The following HCN1 variants were observed in gnomAD, a reference collection of about 807,000 sequenced individuals.
HCN1 encodes hyperpolarization activated cyclic nucleotide gated potassium channel 1.
Under a neutral mutation model 78.9 loss-of-function variants are expected in HCN1, and 13 were observed. That is an observed-to-expected ratio of 0.16 (90% CI 0.11 to 0.26). The LOEUF (loss-of-function observed/expected upper bound fraction) is 0.26, where lower values mean the gene tolerates loss of function less well. HCN1 is among the 10% of genes least tolerant of loss of function. The pLI is 1.00. For missense variants in HCN1, 810 were observed against 1,154.3 expected (o/e 0.70, Z 4.32); for synonymous variants, 552 against 455.5 (o/e 1.21, Z -2.70).
chr5:45,424,119 CA>C (rs35117761), intron 3 of HCN1, among the ~76,000 whole-genome samples: 9,172 of 68,004 alleles, frequency 0.13, 633 homozygotes, highest in East Asian at 0.22. Flanking sequence ...ACTAAAAATC[CA>C]AAAAAAAAAA....
chr5:45,347,949 T>C (rs1187487941), intron 5 of HCN1, among the ~76,000 whole-genome samples: 4 of 152,142 alleles, frequency 2.6e-5, no homozygotes, highest in Admixed American at 6.5e-5. Context: ...CTGCAGGATA[T>C]TATACAGGAG....
At chr5:45,397,238 G>C (rs1173585055) in intron 3 of HCN1, among the ~76,000 whole-genome samples, 1 of 152,042 alleles carries the variant, frequency 6.6e-6, no homozygotes, top group Non-Finnish European at 1.5e-5. Context: ...TGGAAATACA[G>C]GTCTGATAAA....
chr5:45,559,264 T>C (rs1177568231), intron 2 of HCN1: 4 of 152,132 alleles, frequency 2.6e-5, no homozygotes, highest in Admixed American at 2.6e-4. Flanking sequence ...CTGCAGCCCA[T>C]GCTTCAAAGA....
At chr5:45,347,747 C>T (rs1463578581) in intron 5 of HCN1, among the ~76,000 whole-genome samples, 2 of 151,910 alleles carry the variant, frequency 1.3e-5, no homozygotes, top group Non-Finnish European at 2.9e-5. Context: ...ATGCGATCAA[C>T]TGGAAGAAAG....
Position 45,330,384 on chromosome 5 carries a change from C to T in HCN1, c.1377+22716G>A, listed in dbSNP as rs540614813. Among the ~76,000 whole-genome samples, 4 of 150,986 alleles carry T rather than the reference C, an allele frequency of 2.6e-5. No homozygotes were observed. In the South Asian group the frequency reaches 8.3e-4, roughly 31 times the overall value. On this transcript the variant is annotated intron_variant, in intron 5 of 7. Transcript: ENST00000303230. ...AACATTAAACCTTATTTTTGTATGA[C>T]AAATAAAACTTAACTAAATAAACGC...
intron 1 of HCN1, among the ~76,000 whole-genome samples, chr5:45,674,951 G>C (rs1217032268): frequency 6.6e-6 from 1 of 151,612 alleles, no homozygotes; most frequent in East Asian, 1.9e-4. Flanking sequence ...AAAATAATAA[G>C]ATATGCATGC....
intron 5 of HCN1, among the ~76,000 whole-genome samples, chr5:45,349,983 C>A (rs903336767): frequency 4.6e-5 from 7 of 152,026 alleles, no homozygotes; most frequent in African/African-American, 1.7e-4. Flanking sequence ...GAAACTATTC[C>A]AATCAATAGA....
chr5:45,341,351 C>T (rs1192191978), intron 5 of HCN1, among the ~76,000 whole-genome samples: 3 of 152,172 alleles, frequency 2.0e-5, no homozygotes, highest in Non-Finnish European at 2.9e-5. Flanking sequence ...TTTCACAATT[C>T]TGACTCAAAA....
chr5:45,677,203 T>A (rs1235220271), intron 1 of HCN1, among the ~76,000 whole-genome samples: 1 of 151,802 alleles, frequency 6.6e-6, no homozygotes, highest in Non-Finnish European at 1.5e-5. Flanking sequence ...TTATCAGTGA[T>A]AACCTCTCAT....
intron 3 of HCN1, among the ~76,000 whole-genome samples, chr5:45,404,325 C>G (rs763792959): frequency 5.9e-5 from 9 of 152,050 alleles, no homozygotes; most frequent in Non-Finnish European, 1.0e-4. Context: ...TTCATATAAT[C>G]TGAATCCCAC....
At chr5:45,342,170 T>C (rs979105723) in intron 5 of HCN1, among the ~76,000 whole-genome samples, 3 of 152,032 alleles carry the variant, frequency 2.0e-5, no homozygotes, top group Non-Finnish European at 2.9e-5. Context: ...ATGAAGTGAA[T>C]ATTTTTACAT....
intron 2 of HCN1, among the ~76,000 whole-genome samples, chr5:45,490,369 C>T (rs1741858138): frequency 1.3e-5 from 2 of 152,074 alleles, no homozygotes; most frequent in Admixed American, 1.3e-4. Context: ...TTCATTGATG[C>T]CTGACAAATT....
intron 1 of HCN1, among the ~76,000 whole-genome samples, chr5:45,668,253 T>C (rs1018446646): frequency 1.3e-5 from 2 of 151,890 alleles, no homozygotes; most frequent in African/African-American, 4.8e-5. Context: ...TCATCTCAAA[T>C]TGTAATCCCC....
At chr5:45,658,495 G>T (rs1028485736) in intron 1 of HCN1, among the ~76,000 whole-genome samples, 5 of 152,182 alleles carry the variant, frequency 3.3e-5, no homozygotes, top group African/African-American at 9.6e-5. Flanking sequence ...AGCTCCCAGC[G>T]TGAGCGATGA....
intron 4 of HCN1, among the ~76,000 whole-genome samples, chr5:45,392,219 T>C (rs2112036025): frequency 6.6e-6 from 1 of 152,276 alleles, no homozygotes; most frequent in South Asian, 2.1e-4. Context: ...TGTCTGGGTG[T>C]ACCATTAGCT....
At chr5:45,684,571 A>T (rs1003420096) in intron 1 of HCN1, among the ~76,000 whole-genome samples, 1 of 152,254 alleles carries the variant, frequency 6.6e-6, no homozygotes, top group African/African-American at 2.4e-5. Flanking sequence ...TTAAAAACTA[A>T]TCAAATAGGC....
intron 2 of HCN1, among the ~76,000 whole-genome samples, chr5:45,620,720 C>A (rs1016924210): frequency 6.6e-6 from 1 of 152,040 alleles, no homozygotes; most frequent in African/African-American, 2.4e-5. Flanking sequence ...CATGTTTGAG[C>A]AAGTGAGAGA....
chr5:45,585,453 C>G (rs1215944988), intron 2 of HCN1, among the ~76,000 whole-genome samples: 1 of 152,100 alleles, frequency 6.6e-6, no homozygotes, highest in African/African-American at 2.4e-5. Flanking sequence ...AGGTTTTTAA[C>G]TTCTTTGCCA....
chr5:45,564,603 C>A (rs1188144195), intron 2 of HCN1, among the ~76,000 whole-genome samples: 4 of 152,128 alleles, frequency 2.6e-5, no homozygotes, highest in Non-Finnish European at 5.9e-5. Flanking sequence ...ACTATTAAAG[C>A]AACAATTTTG....
Sources: gnomAD v4.1 joint callset for allele counts (sites outside exome capture counted in the v4.1 genomes callset) on GRCh38, gnomAD v4.1.1 for gene constraint, MANE v1.5 for transcripts, NCBI Gene and HGNC (gene_info 2026-07-23, HGNC 2026-07-21) for gene names.